CDC42SE2: variants seen among roughly 807,000 people sequenced by gnomAD.
CDC42SE2 encodes CDC42 small effector protein 2.
Under a neutral mutation model 11.5 loss-of-function variants are expected in CDC42SE2, and 3 were observed. The ratio of observed to expected loss-of-function variants is 0.26; its 90% CI spans 0.12 to 0.67. The LOEUF is 0.67. Ranked by LOEUF, CDC42SE2 falls within the 30% of genes least tolerant of loss-of-function variation. CDC42SE2 has a pLI of 0.80. For missense variants in CDC42SE2, 82 were observed against 106.8 expected (o/e 0.77, Z 1.02); for synonymous variants, 33 against 34.8 (o/e 0.95, Z 0.18).
intron 1 of CDC42SE2, among the ~76,000 whole-genome samples, chr5:131,279,654 G>A (rs1200654929): frequency 6.6e-6 from 1 of 151,800 alleles, no homozygotes; most frequent in African/African-American, 2.4e-5. Context: ...TACCTTTCCT[G>A]TGGTCACCTG....
chr5:131,270,294 G>A (rs1048192368), intron 1 of CDC42SE2, among the ~76,000 whole-genome samples: 3 of 152,104 alleles, frequency 2.0e-5, no homozygotes, highest in Admixed American at 2.0e-4. Context: ...AGAATGGCAT[G>A]GACCCGGGAG....
intron 4 of CDC42SE2, among the ~76,000 whole-genome samples, chr5:131,388,179 A>G (rs1426244562): frequency 6.6e-6 from 1 of 151,988 alleles, no homozygotes; most frequent in Non-Finnish European, 1.5e-5. Context: ...TATTTTTAGT[A>G]GAGCGGGGTT....
At chr5:131,302,664 T>G (rs935346515) in intron 1 of CDC42SE2, among the ~76,000 whole-genome samples, 1 of 152,206 alleles carries the variant, frequency 6.6e-6, no homozygotes, top group African/African-American at 2.4e-5. Flanking sequence ...TTCAGCCATA[T>G]TCTTTGTCTG....
At chr5:131,309,940 A>C (rs1004681751) in intron 1 of CDC42SE2, among the ~76,000 whole-genome samples, 20 of 151,474 alleles carry the variant, frequency 1.3e-4, no homozygotes, top group African/African-American at 4.4e-4. Flanking sequence ...TTGTGTCTCT[A>C]TTTCCTTCAG....
intron 1 of CDC42SE2, among the ~76,000 whole-genome samples, chr5:131,280,526 A>G (rs915825085): frequency 1.3e-5 from 2 of 152,260 alleles, no homozygotes; most frequent in South Asian, 2.1e-4. Flanking sequence ...AGTTGTGATT[A>G]AAAACAATGG....
At chr5:131,312,907 C>G (rs576488723) in intron 1 of CDC42SE2, among the ~76,000 whole-genome samples, 1 of 152,178 alleles carries the variant, frequency 6.6e-6, no homozygotes. Flanking sequence ...TCTTCTGTGT[C>G]GCTCACGCTG....
At chr5:131,332,355 T>C (rs1284722717) in intron 2 of CDC42SE2, among the ~76,000 whole-genome samples, 1 of 152,254 alleles carries the variant, frequency 6.6e-6, no homozygotes, top group Admixed American at 6.5e-5. Flanking sequence ...ATTTTCTTAA[T>C]CCAGTCTATC....
intron 2 of CDC42SE2, among the ~76,000 whole-genome samples, chr5:131,357,359 A>G (rs1039998033): frequency 2.6e-5 from 4 of 152,192 alleles, no homozygotes; most frequent in Non-Finnish European, 5.9e-5. Flanking sequence ...ATGCCTTGTT[A>G]TACTACCCAG....
intron 3 of CDC42SE2, among the ~76,000 whole-genome samples, chr5:131,380,787 C>CT (rs1750298576): frequency 6.6e-6 from 1 of 152,174 alleles, no homozygotes; most frequent in African/African-American, 2.4e-5. Flanking sequence ...TCCTTTTCTC[C>CT]TTTCAGCCAC....
intron 3 of CDC42SE2, among the ~76,000 whole-genome samples, chr5:131,380,306 T>C (rs920598995): frequency 6.6e-6 from 1 of 152,166 alleles, no homozygotes; most frequent in Middle Eastern, 3.4e-3. Context: ...ATCATTCTTA[T>C]GGCCTAATTT....
At chr5:131,292,500 G>A (rs1361204843) in intron 1 of CDC42SE2, among the ~76,000 whole-genome samples, 3 of 149,424 alleles carry the variant, frequency 2.0e-5, no homozygotes, top group Admixed American at 2.0e-4. Flanking sequence ...CCCAGGAAGC[G>A]GAGGTTGCAG....
intron 2 of CDC42SE2, chr5:131,255,230 G>T (rs1191119723): frequency 6.6e-6 from 1 of 152,010 alleles, no homozygotes; most frequent in African/African-American, 2.4e-5. Context: ...GAGATGTGCT[G>T]TAAGTATAAA....
intron 2 of CDC42SE2, among the ~76,000 whole-genome samples, chr5:131,330,607 AT>A (rs1383419008): frequency 6.6e-6 from 1 of 152,120 alleles, no homozygotes; most frequent in Non-Finnish European, 1.5e-5. Context: ...GTCTGGAGAC[AT>A]TTTTGGTTGT....
At chr5:131,250,720 G>C (rs561343091) in intron 1 of CDC42SE2, among the ~76,000 whole-genome samples, 1 of 152,312 alleles carries the variant, frequency 6.6e-6, no homozygotes, top group African/African-American at 2.4e-5. Context: ...GAACCCTCAT[G>C]TAAAAACTAT....
At chr5:131,303,480 T>TA (rs1757723705) in intron 1 of CDC42SE2, among the ~76,000 whole-genome samples, 2 of 152,256 alleles carry the variant, frequency 1.3e-5, no homozygotes, top group Non-Finnish European at 2.9e-5. Context: ...TGGCTTCTTG[T>TA]AGTTTATCAG....
intron 2 of CDC42SE2, among the ~76,000 whole-genome samples, chr5:131,346,415 C>T (rs780747847): frequency 1.4e-4 from 22 of 152,154 alleles, no homozygotes; most frequent in South Asian, 4.1e-4. Flanking sequence ...AAGGTCATTG[C>T]GTAATGGTAA....
chr5:131,356,877 C>T (rs1010135182), intron 2 of CDC42SE2, among the ~76,000 whole-genome samples: 1 of 152,158 alleles, frequency 6.6e-6, no homozygotes, highest in African/African-American at 2.4e-5. Flanking sequence ...CACTGCATTC[C>T]AGCCTGGGCA....
At chr5:131,361,928 C>T (rs952319773) in intron 3 of CDC42SE2, among the ~76,000 whole-genome samples, 1 of 152,136 alleles carries the variant, frequency 6.6e-6, no homozygotes. Context: ...GTGTCTTCTT[C>T]CGCTGATGTG....
chr5:131,352,562 T>G (rs1749374120), intron 2 of CDC42SE2, among the ~76,000 whole-genome samples: 1 of 152,192 alleles, frequency 6.6e-6, no homozygotes, highest in Non-Finnish European at 1.5e-5. Context: ...CATCCCTACC[T>G]CAGTCTTTTA....
Sources: gnomAD v4.1 joint callset for allele counts (sites outside exome capture counted in the v4.1 genomes callset) on GRCh38, gnomAD v4.1.1 for gene constraint, MANE v1.5 for transcripts, NCBI Gene and HGNC (gene_info 2026-07-23, HGNC 2026-07-21) for gene names.